The following PTPRD variants were observed in gnomAD, a reference collection of about 807,000 sequenced individuals.
PTPRD encodes receptor-type tyrosine-protein phosphatase delta.
A neutral mutation model predicts 214.5 loss-of-function variants in PTPRD; 34 were observed. That is an observed-to-expected ratio of 0.16 (90% CI 0.12 to 0.21). The LOEUF is 0.21. Among genes scored for constraint, PTPRD ranks in the 10% least tolerant of loss-of-function variants. The pLI, the probability that PTPRD is intolerant of heterozygous loss-of-function variation, is 1.00. For missense variants in PTPRD, 2,545 were observed against 2,398.7 expected (o/e 1.06, Z -1.27); for synonymous variants, 1,128 against 845.7 (o/e 1.33, Z -5.79).
At chr9:9,548,386 C>G (rs145189311) in intron 8 of PTPRD, among the ~76,000 whole-genome samples, 8 of 148,804 alleles carry the variant, frequency 5.4e-5, no homozygotes, top group South Asian at 2.1e-4. Context: ...TTACTTGCTA[C>G]GTATATGTGA....
chr9:10,095,952 G>T (rs937941987), intron 3 of PTPRD, among the ~76,000 whole-genome samples: 1 of 151,538 alleles, frequency 6.6e-6, no homozygotes, highest in Non-Finnish European at 1.5e-5. Flanking sequence ...ATGCTTAGGT[G>T]TTGACATTGC....
intron 4 of PTPRD, among the ~76,000 whole-genome samples, chr9:10,025,864 CG>C (rs1255056047): frequency 1.3e-5 from 2 of 152,104 alleles, no homozygotes; most frequent in African/African-American, 4.8e-5. Context: ...CTACAGTTCA[CG>C]GAACATTTCA....
At chr9:9,572,300 A>G (rs2086687941) in intron 8 of PTPRD, among the ~76,000 whole-genome samples, 1 of 151,380 alleles carries the variant, frequency 6.6e-6, no homozygotes, top group Non-Finnish European at 1.5e-5. Context: ...CATAATTGAC[A>G]CTTCCATAAT....
chr9:8,506,889 CCAAGG>C (rs2097552466), intron 22 of PTPRD, among the ~76,000 whole-genome samples: 1 of 152,074 alleles, frequency 6.6e-6, no homozygotes, highest in Non-Finnish European at 1.5e-5. Context: ...ATTCATCTAG[CCAAGG>C]ACTTTCATTA....
At chr9:8,394,926 CTT>C (rs1234513110) in intron 36 of PTPRD, among the ~76,000 whole-genome samples, 2 of 151,996 alleles carry the variant, frequency 1.3e-5, no homozygotes, top group African/African-American at 4.8e-5. Context: ...AGAAGCTCTC[CTT>C]GGACTTTAGC....
At chr9:8,870,144 G>T (rs1471321855) in intron 11 of PTPRD, among the ~76,000 whole-genome samples, 4 of 147,922 alleles carry the variant, frequency 2.7e-5, no homozygotes, top group Non-Finnish European at 6.0e-5. Context: ...AAAAAAAAAG[G>T]TTTAAACGTA....
chr9:9,057,390 T>G (rs1204368659), intron 10 of PTPRD, among the ~76,000 whole-genome samples: 2 of 152,184 alleles, frequency 1.3e-5, no homozygotes, highest in Non-Finnish European at 2.9e-5. Flanking sequence ...CTCCATTTTA[T>G]CATAATGTAA....
At chr9:10,424,852 C>T (rs2098597616) in intron 2 of PTPRD, among the ~76,000 whole-genome samples, 1 of 151,914 alleles carries the variant, frequency 6.6e-6, no homozygotes, top group South Asian at 2.1e-4. Context: ...GAATAGCATG[C>T]TGGTTCTACT....
intron 12 of PTPRD, among the ~76,000 whole-genome samples, chr9:8,694,974 T>C (rs1486823295): frequency 1.3e-5 from 2 of 152,150 alleles, no homozygotes; most frequent in Non-Finnish European, 2.9e-5. Flanking sequence ...AAAAGTGGTT[T>C]AAAAAATAAG....
chr9:10,424,634 T>C (rs1027391212), intron 2 of PTPRD, among the ~76,000 whole-genome samples: 9 of 151,852 alleles, frequency 5.9e-5, no homozygotes, highest in African/African-American at 1.9e-4. Context: ...ATGACAGGGA[T>C]GTATGTAATG....
At chr9:8,577,578 C>T (rs567068615) in intron 14 of PTPRD, among the ~76,000 whole-genome samples, 1 of 152,136 alleles carries the variant, frequency 6.6e-6, no homozygotes, top group Non-Finnish European at 1.5e-5. Flanking sequence ...TGTTAAGGAT[C>T]TCTCTCACCA....
chr9:9,126,248 G>T (rs76998410), intron 10 of PTPRD, among the ~76,000 whole-genome samples: 1 of 152,148 alleles, frequency 6.6e-6, no homozygotes, highest in African/African-American at 2.4e-5. Context: ...TGAAGCTAAC[G>T]ACAGAGGAAT....
chr9:8,526,930 G>A (rs1356130260), intron 16 of PTPRD, among the ~76,000 whole-genome samples: 1 of 151,366 alleles, frequency 6.6e-6, no homozygotes, highest in African/African-American at 2.4e-5. Flanking sequence ...TATAGGGTTA[G>A]AATTATATCT....
At chr9:9,113,775 C>T (rs186746725) in intron 10 of PTPRD, among the ~76,000 whole-genome samples, 59 of 152,238 alleles carry the variant, frequency 3.9e-4, no homozygotes, top group African/African-American at 1.4e-3. Context: ...CAAGAATATT[C>T]ACAAAGTAGT....
chr9:8,539,810 T>C (rs978011214), intron 14 of PTPRD, among the ~76,000 whole-genome samples: 6 of 152,068 alleles, frequency 3.9e-5, no homozygotes, highest in Non-Finnish European at 8.8e-5. Context: ...TCTTCCAGGT[T>C]GACAAGTACA....
chr9:9,191,368 C>T (rs1593241182), intron 9 of PTPRD, among the ~76,000 whole-genome samples: 2 of 151,618 alleles, frequency 1.3e-5, no homozygotes, highest in African/African-American at 2.4e-5. Flanking sequence ...TTCATTTGGT[C>T]CTTGAAATGA....
At chr9:9,458,864 T>A (rs576018810) in intron 8 of PTPRD, among the ~76,000 whole-genome samples, 1 of 151,912 alleles carries the variant, frequency 6.6e-6, no homozygotes, top group East Asian at 1.9e-4. Context: ...TGCTTGAGCT[T>A]GGGAGGGAGA....
intron 25 of PTPRD, among the ~76,000 whole-genome samples, chr9:8,499,282 A>G (rs575987628): frequency 7.5e-4 from 114 of 152,350 alleles, no homozygotes; most frequent in Non-Finnish European, 1.3e-3. Flanking sequence ...GTTTTAGCAC[A>G]GAAGAAAGTA....
intron 2 of PTPRD, among the ~76,000 whole-genome samples, chr9:10,484,823 C>T (rs2099122240): frequency 6.6e-6 from 1 of 151,946 alleles, no homozygotes; most frequent in South Asian, 2.1e-4. Context: ...TGCGTTGTCT[C>T]TTCACTTTTT....
Sources: allele counts gnomAD v4.1 joint callset (sites outside exome capture counted in the v4.1 genomes callset), GRCh38; gene constraint gnomAD v4.1.1; transcripts MANE v1.5; gene names NCBI Gene and HGNC (gene_info 2026-07-23, HGNC 2026-07-21).